CTNNA3: variants seen among roughly 807,000 people sequenced by gnomAD.
CTNNA3 encodes the protein catenin alpha-3.
A neutral mutation model predicts 95.7 loss-of-function variants in CTNNA3; 76 were observed. That is an observed-to-expected ratio of 0.79 (90% CI 0.66 to 0.96). The LOEUF (loss-of-function observed/expected upper bound fraction) is 0.96. CTNNA3 is among the 40% of genes least tolerant of loss of function. The pLI is 0.00. For missense variants in CTNNA3, 1,191 were observed against 1,089.8 expected, an observed-to-expected ratio of 1.09 and a Z score of -1.31; for synonymous variants, 431 against 374.4, an observed-to-expected ratio of 1.15 and a Z score of -1.74.
intron 11 of CTNNA3, among the ~76,000 whole-genome samples, chr10:66,502,813 C>T (rs2441748): frequency 0.69 from 104,834 of 151,942 alleles, 36,646 homozygotes; most frequent in East Asian, 0.9. Flanking sequence ...GAGGGGGATT[C>T]CTGGCAACAT....
intron 13 of CTNNA3, among the ~76,000 whole-genome samples, chr10:66,109,023 A>C (rs2082016710): frequency 6.6e-6 from 1 of 152,206 alleles, no homozygotes; most frequent in African/African-American, 2.4e-5. Flanking sequence ...GAGGACTAAA[A>C]AGTTTATGAT....
At chr10:67,233,982 T>A (rs1233282641) in intron 5 of CTNNA3, among the ~76,000 whole-genome samples, 1 of 152,184 alleles carries the variant, frequency 6.6e-6, no homozygotes, top group Non-Finnish European at 1.5e-5. Context: ...AATCTCTGAA[T>A]AGGACCAATA....
chr10:66,008,207 T>C (rs973292756), intron 15 of CTNNA3, among the ~76,000 whole-genome samples: 8 of 152,134 alleles, frequency 5.3e-5, no homozygotes, highest in African/African-American at 1.7e-4. Flanking sequence ...AAGAAAAGAA[T>C]AGAAAATGAG....
chr10:66,103,810 T>C (rs537351520), intron 13 of CTNNA3, among the ~76,000 whole-genome samples: 20 of 152,126 alleles, frequency 1.3e-4, no homozygotes, highest in Non-Finnish European at 2.8e-4. Flanking sequence ...GTAGGAATGA[T>C]CACAAACCCT....
chr10:67,569,496 A>G (rs755234923), intron 3 of CTNNA3, among the ~76,000 whole-genome samples: 1 of 152,168 alleles, frequency 6.6e-6, no homozygotes, highest in Non-Finnish European at 1.5e-5. Context: ...AGTCCTAGAA[A>G]CTAAAATGTG....
intron 11 of CTNNA3, among the ~76,000 whole-genome samples, chr10:66,443,347 G>T (rs2093390002): frequency 6.6e-6 from 1 of 152,198 alleles, no homozygotes; most frequent in African/African-American, 2.4e-5. Flanking sequence ...CTGAGAACAG[G>T]CAGACTGCCT....
At chr10:67,360,880 T>G (rs1241456127) in intron 5 of CTNNA3, among the ~76,000 whole-genome samples, 2 of 152,072 alleles carry the variant, frequency 1.3e-5, no homozygotes, top group African/African-American at 2.4e-5. Flanking sequence ...CACTGAGGAT[T>G]ACAATTCGAC....
In CTNNA3 at chr10:66,858,050, G is replaced by A. The variant is rs185736068; in HGVS notation, c.1048-82526C>T. Among the ~76,000 whole-genome samples, 309 of 151,692 alleles carry A rather than the reference G, an allele frequency of 2.0e-3. 2 individuals carry two copies. Among genetic ancestry groups the A allele is most frequent in the Non-Finnish European group, 3.5e-3 (240 of 67,770 alleles). ...GACGTTGGCTGTAGATTTTTTTTGG[G>A]CTGTTATTATTTTGAAGTATGTTCC... On this transcript the variant is annotated intron_variant, in intron 7 of 17. Coordinates refer to ENST00000433211, the MANE Select transcript of CTNNA3 (RefSeq NM_013266.4).
At chr10:66,928,109 C>A (rs1406857994) in intron 7 of CTNNA3, 1 of 1,614,072 alleles carries the variant, frequency 6.2e-7, no homozygotes, top group South Asian at 1.1e-5. Flanking sequence ...TTGCCCCCGA[C>A]GGTGGGAGCC....
intron 7 of CTNNA3, among the ~76,000 whole-genome samples, chr10:67,017,476 A>T (rs1323633287): frequency 2.0e-5 from 3 of 152,158 alleles, no homozygotes; most frequent in African/African-American, 7.2e-5. Flanking sequence ...TCCACATACC[A>T]TGCTGGCATC....
intron 1 of CTNNA3, among the ~76,000 whole-genome samples, chr10:67,692,144 C>T (rs969829437): frequency 4.0e-5 from 6 of 151,346 alleles, no homozygotes; most frequent in East Asian, 2.0e-4. Context: ...CCCGGCCAGC[C>T]GCCCCCTCTG....
intron 6 of CTNNA3, among the ~76,000 whole-genome samples, chr10:67,207,681 C>T (rs980164393): frequency 6.6e-6 from 1 of 152,152 alleles, no homozygotes; most frequent in African/African-American, 2.4e-5. Flanking sequence ...TCCAGTATAG[C>T]GACTTGACCT....
chr10:66,479,950 T>TCACACACACACACACACACA (rs71466882), intron 11 of CTNNA3, among the ~76,000 whole-genome samples: 106 of 145,452 alleles, frequency 7.3e-4, no homozygotes, highest in African/African-American at 2.4e-3. Flanking sequence ...ACCAAAGCAT[T>TCACACACACACACACACACA]CACACACACA....
chr10:67,640,799 CA>C, intron 2 of CTNNA3, among the ~76,000 whole-genome samples: 1 of 152,166 alleles, frequency 6.6e-6, no homozygotes, highest in East Asian at 1.9e-4. Flanking sequence ...ACTGGCTAGC[CA>C]TATATAGAAA....
In CTNNA3 at chr10:67,316,792, A is replaced by G. The variant is rs991461951; in HGVS notation, c.580-96922T>C. Among the ~76,000 whole-genome samples, 10 of 152,306 alleles carry G rather than the reference A, an allele frequency of 6.6e-5. 1 individual carries two copies. In the East Asian group the frequency reaches 1.9e-3, roughly 29 times the overall value. On this transcript the variant is annotated intron_variant, in intron 5 of 17. Coordinates refer to ENST00000433211, the MANE Select transcript of CTNNA3 (RefSeq NM_013266.4). ...TCCTCACATTCAGAGGAGGTGATTA[A>G]TGATTTTCCCCCTTGAAAATATAAA... is the stretch of plus-strand genomic sequence containing the variant.
chr10:66,028,358 A>G (rs1411695221), intron 15 of CTNNA3, among the ~76,000 whole-genome samples: 1 of 152,228 alleles, frequency 6.6e-6, no homozygotes, highest in Non-Finnish European at 1.5e-5. Flanking sequence ...ATGTCCAACA[A>G]TGATAGACTG....
intron 13 of CTNNA3, among the ~76,000 whole-genome samples, chr10:66,233,131 G>A (rs990706229): frequency 7.9e-6 from 1 of 125,798 alleles, no homozygotes; most frequent in African/African-American, 3.2e-5. Flanking sequence ...CTGCACTCCA[G>A]CCTGGGTGAC....
chr10:66,326,677 T>C (rs1342619617), intron 12 of CTNNA3, among the ~76,000 whole-genome samples: 2 of 152,088 alleles, frequency 1.3e-5, no homozygotes, highest in Non-Finnish European at 2.9e-5. Context: ...TATTAATAGA[T>C]GTACATTAAA....
intron 7 of CTNNA3, among the ~76,000 whole-genome samples, chr10:66,807,982 C>T (rs1222508867): frequency 1.3e-5 from 2 of 151,980 alleles, no homozygotes; most frequent in Admixed American, 6.6e-5. Flanking sequence ...CCTCAGTATG[C>T]TTAATTTAGT....
Sources: gnomAD v4.1 joint callset for allele counts (sites outside exome capture counted in the v4.1 genomes callset) on GRCh38, gnomAD v4.1.1 for gene constraint, MANE v1.5 for transcripts, NCBI Gene and HGNC (gene_info 2026-07-23, HGNC 2026-07-21) for gene names.